DNAH7: variants seen among roughly 807,000 people sequenced by gnomAD.
DNAH7 encodes the protein dynein axonemal heavy chain 7.
In DNAH7, 397 loss-of-function variants were observed where a neutral mutation model predicts 444.6. The observed-to-expected ratio is 0.89, with a 90% CI of 0.82 to 0.97. The LOEUF is 0.97. DNAH7 is among the 50% of genes least tolerant of loss of function. DNAH7 has a pLI of 0.00. For missense variants in DNAH7, 4,902 were observed against 4,800.8 expected (o/e 1.02, Z -0.62); for synonymous variants, 1,636 against 1,624.4 (o/e 1.01, Z -0.17).
rs771131371 is a variant in DNAH7, at chr2:195,806,798, T to C, written c.10118A>G (p.Glu3373Gly). ...CCTTTGAAACTCATTTGCTTTATCTTCCCATTCTTCAGGGAAAACCTCATG... is the reference window on the plus strand; with the variant it reads ...CCTTTGAAACTCATTTGCTTTATCTCCCCATTCTTCAGGGAAAACCTCATG... Reference protein sequence around the residue: ...PHHEVFPEEWEDKANEFQRML... With the variant: ...PHHEVFPEEWGDKANEFQRML... The change falls in exon 54 of 65, where the codon GAA (glutamate) becomes GGA (glycine). Residue 3373 changes from glutamate to glycine, a missense_variant. Physicochemically the swap from Glu to Gly is moderately conservative, Grantham distance 98. Transcript: ENST00000312428. 2 of 1,613,658 alleles carry C rather than the reference T, an allele frequency of 1.2e-6. No homozygotes were observed. Among genetic ancestry groups the C allele is most frequent in the Non-Finnish European group, 8.5e-7 (1 of 1,179,762 alleles).
chr2:196,027,754 A>G (rs928028882), intron 6 of DNAH7, among the ~76,000 whole-genome samples: 9 of 152,162 alleles, frequency 5.9e-5, no homozygotes, highest in African/African-American at 2.2e-4. Flanking sequence ...TAGATTTGAA[A>G]TTTTTTTAAA....
At chr2:195,981,202 G>A (rs1653804072) in intron 15 of DNAH7, among the ~76,000 whole-genome samples, 1 of 151,674 alleles carries the variant, frequency 6.6e-6, no homozygotes, top group South Asian at 2.1e-4. Flanking sequence ...GCCAAAGGTG[G>A]GACAATCTGA....
chr2:195,925,302 G>C (rs1000253144), intron 22 of DNAH7, among the ~76,000 whole-genome samples: 1 of 152,188 alleles, frequency 6.6e-6, no homozygotes, highest in Non-Finnish European at 1.5e-5. Context: ...ATCCCAGGAG[G>C]CTGCACGTCC....
intron 40 of DNAH7, among the ~76,000 whole-genome samples, chr2:195,866,784 T>G (rs991160336): frequency 6.6e-6 from 1 of 152,204 alleles, no homozygotes; most frequent in Admixed American, 6.5e-5. Flanking sequence ...ACAGATATGG[T>G]TTGGCTGTGT....
At chr2:196,059,231 G>A (rs981400099) in intron 1 of DNAH7, among the ~76,000 whole-genome samples, 6 of 152,082 alleles carry the variant, frequency 3.9e-5, no homozygotes, top group African/African-American at 1.4e-4. Context: ...CCCCCCGCAA[G>A]CTGCCATAAG....
intron 36 of DNAH7, among the ~76,000 whole-genome samples, chr2:195,878,218 G>A (rs922491641): frequency 3.3e-5 from 5 of 152,108 alleles, no homozygotes; most frequent in African/African-American, 1.2e-4. Context: ...TGTAAACACT[G>A]TATTATAATA....
At chr2:195,936,168 G>A (rs888859484) in intron 20 of DNAH7, among the ~76,000 whole-genome samples, 2 of 152,156 alleles carry the variant, frequency 1.3e-5, no homozygotes, top group African/African-American at 4.8e-5. Flanking sequence ...GAGATCAGGA[G>A]TTCAAGACCA....
At chr2:195,748,248 G>T (rs1574362249) in intron 63 of DNAH7, among the ~76,000 whole-genome samples, 1 of 152,146 alleles carries the variant, frequency 6.6e-6, no homozygotes, top group East Asian at 1.9e-4. Flanking sequence ...TATTCAAAGA[G>T]AATAAAATAC....
At chr2:195,762,793 ACCC>A (rs1477760743) in intron 61 of DNAH7, among the ~76,000 whole-genome samples, 27 of 152,220 alleles carry the variant, frequency 1.8e-4, no homozygotes, top group South Asian at 1.2e-3. Context: ...AGACTTCAAC[ACCC>A]TACTTTCAGC....
chr2:196,001,062 T>C (rs754565036), intron 11 of DNAH7, among the ~76,000 whole-genome samples, 179 bp from the exon 12 acceptor site: 4 of 152,156 alleles, frequency 2.6e-5, no homozygotes, highest in Non-Finnish European at 5.9e-5. Context: ...CAGTTGATGA[T>C]ATCCAGTATC....
intron 2 of DNAH7, among the ~76,000 whole-genome samples, chr2:196,055,678 T>TAGATG (rs1391740833): frequency 6.6e-6 from 1 of 152,220 alleles, no homozygotes; most frequent in African/African-American, 2.4e-5. Flanking sequence ...AATGCAGTTA[T>TAGATG]AGATGACAGA....
chr2:195,799,190 G>A (rs1488532340), intron 55 of DNAH7, 106 bp downstream of exon 55: 7 of 1,019,742 alleles, frequency 6.9e-6, no homozygotes, highest in Non-Finnish European at 9.4e-6. Context: ...AACTTTCAAA[G>A]GTTGAATGAC....
intron 25 of DNAH7, among the ~76,000 whole-genome samples, chr2:195,908,669 C>A (rs1687182290): frequency 6.6e-6 from 1 of 152,010 alleles, no homozygotes; most frequent in South Asian, 2.1e-4. Context: ...TTTCTTTATC[C>A]ATTTCTCCAC....
At chr2:196,047,561 A>T in intron 4 of DNAH7, 62 bp from the exon 5 acceptor site, 1 of 1,326,638 alleles carries the variant, frequency 7.5e-7, no homozygotes, top group Non-Finnish European at 1.0e-6. Flanking sequence ...AAAGCATTTC[A>T]CATGCTTAAA....
intron 25 of DNAH7, among the ~76,000 whole-genome samples, chr2:195,908,004 C>T (rs1370634966): frequency 6.6e-6 from 1 of 151,712 alleles, no homozygotes; most frequent in African/African-American, 2.4e-5. Flanking sequence ...TTTTCTACCC[C>T]CATTATTCAG....
chr2:195,900,673 A>G (rs898479263), intron 27 of DNAH7, 179 bp from the exon 28 acceptor site: 6 of 559,766 alleles, frequency 1.1e-5, no homozygotes, highest in African/African-American at 1.9e-5. Context: ...CAATGGGGAG[A>G]GGCTGGTTAA....
At chr2:195,761,153 T>A (rs1037369336) in intron 61 of DNAH7, among the ~76,000 whole-genome samples, 22 of 150,988 alleles carry the variant, frequency 1.5e-4, no homozygotes, top group African/African-American at 2.7e-4. Flanking sequence ...GAGATTTTTT[T>A]AAAAGAATCA....
rs55723492 is a variant in DNAH7 at position 195,793,728 on chromosome 2, C to T, written c.10716+610G>A. On this transcript the variant is annotated intron_variant, in intron 57 of 64. Transcript: ENST00000312428. ...GACATCAAGCGTGTGAGCTTTTTAA[C>T]AGCAAAAACTTCCTAAAGTTCATAA... Among the ~76,000 whole-genome samples, 609 of 152,278 alleles carry T rather than the reference C, an allele frequency of 4.0e-3. 5 individuals are homozygous for T. Among genetic ancestry groups the T allele is most frequent in the African/African-American group, 0.013 (561 of 41,560 alleles).
intron 46 of DNAH7, among the ~76,000 whole-genome samples, chr2:195,848,118 C>T (rs1468011581): frequency 6.6e-6 from 1 of 152,186 alleles, no homozygotes; most frequent in African/African-American, 2.4e-5. Flanking sequence ...GTGCTGGGTG[C>T]TCACAGGTGG....
Sources: gnomAD v4.1 joint callset for allele counts (sites outside exome capture counted in the v4.1 genomes callset) on GRCh38, gnomAD v4.1.1 for gene constraint, MANE v1.5 for transcripts, NCBI Gene and HGNC (gene_info 2026-07-23, HGNC 2026-07-21) for gene names.